The following STK11IP variants were observed in gnomAD, a reference collection of about 807,000 sequenced individuals.
The protein encoded by STK11IP is serine/threonine kinase 11 interacting protein, also known as serine/threonine-protein kinase 11-interacting protein.
A neutral mutation model predicts 131.7 loss-of-function variants in STK11IP; 103 were observed. The ratio of observed to expected loss-of-function variants is 0.78; its 90% CI spans 0.67 to 0.92. The LOEUF (loss-of-function observed/expected upper bound fraction) is 0.92, where lower values mean the gene tolerates loss of function less well. Among genes scored for constraint, STK11IP ranks in the 40% least tolerant of loss-of-function variants. The probability of loss-of-function intolerance (pLI) is 0.00; values close to 1 mark genes in which losing one functional copy is unlikely to be tolerated. For synonymous variants in STK11IP, 557 were observed against 575.6 expected (o/e 0.97, Z 0.46); for missense variants, 1,315 against 1,385.7 (o/e 0.95, Z 0.81).
chr2:219,602,754 A>G lies in STK11IP; in HGVS notation c.596A>G (p.Gln199Arg). The change falls in exon 7 of 25, where the codon CAG (glutamine) becomes CGG (arginine). Residue 199 changes from glutamine to arginine, a missense_variant. Physicochemically the swap from Gln to Arg is conservative, Grantham distance 43. Coordinates refer to ENST00000456909, the MANE Select transcript of STK11IP (RefSeq NM_052902.4). ...RFLNLSHNQV[Q>R]DCQGFLMDLC... Reference sequence around the variant, plus strand: ...TTGAACCTAAGCCACAATCAAGTCCAGGACTGTCAGGGATTCCTGATGGTG... The same window carrying G: ...TTGAACCTAAGCCACAATCAAGTCCGGGACTGTCAGGGATTCCTGATGGTG... The G allele has an allele frequency of 6.2e-7, 1 of 1,612,256 alleles. No individual in the cohort carries two copies. The highest frequency in any genetic ancestry group is 1.1e-5 in the South Asian group (1 of 90,766).
At chr2:219,599,120 G>A (rs1481983472) in intron 2 of STK11IP, among the ~76,000 whole-genome samples, 1 of 151,904 alleles carries the variant, frequency 6.6e-6, no homozygotes, top group African/African-American at 2.4e-5. Flanking sequence ...ACAGAGTCTT[G>A]CTGTGTCACC....
In STK11IP at chr2:219,598,177, T is replaced by G. The variant is rs1574608163; in HGVS notation, c.58T>G (p.Ser20Ala). 1.9e-6 allele frequency: 3 copies of G among 1,555,030 alleles called. No homozygotes were observed. The highest frequency in any genetic ancestry group is 2.6e-6 in the Non-Finnish European group (3 of 1,149,560). ...LWKLAGLLRE[S>A]GDVVLSGCST... is the part of the protein sequence containing the mutation. Reference sequence around the variant, plus strand: ...GAAGCTCGCGGGGTTGCTGCGGGAGTCCGGTGAGTGGACTTCCGGTTGGGC... The same window carrying G: ...GAAGCTCGCGGGGTTGCTGCGGGAGGCCGGTGAGTGGACTTCCGGTTGGGC... Residue 20 changes from serine to alanine, a missense_variant, in exon 2 of 25, where the codon TCC becomes GCC. Ser to Ala is a moderately conservative substitution (Grantham distance 99, BLOSUM62 1). Transcript: ENST00000456909.
intron 24 of STK11IP, 151 bp from the exon 25 acceptor site, chr2:219,615,893 C>G (rs1698555206): frequency 2.0e-6 from 2 of 1,010,160 alleles, no homozygotes; most frequent in Non-Finnish European, 3.0e-6. Flanking sequence ...AGCTCAGAGT[C>G]AGGATCTTTT....
chr2:219,611,433 G>A (rs1307246304), intron 17 of STK11IP, among the ~76,000 whole-genome samples, 171 bp from the exon 18 acceptor site: 4 of 152,166 alleles, frequency 2.6e-5, no homozygotes, highest in Non-Finnish European at 5.9e-5. Context: ...GTGATCAGTT[G>A]GCAGCTGTGC....
In STK11IP at chr2:219,601,367, A is replaced by G. The variant is rs1260631628; in HGVS notation, c.194A>G (p.His65Arg). 1.2e-6 allele frequency: 2 copies of G among 1,613,898 alleles called. No homozygotes were observed. Among genetic ancestry groups the G allele is most frequent in the African/African-American group, 2.7e-5 (2 of 74,930 alleles). The change falls in exon 3 of 25, where the codon CAT becomes CGT. Residue 65 changes from histidine (H) to arginine (R), a missense_variant. His to Arg is a conservative substitution (Grantham distance 29). Coordinates refer to ENST00000456909, the MANE Select transcript of STK11IP (RefSeq NM_052902.4). ...ACAGGCTTTGTGGCTCTGCCCTCCC[A>G]TCCTGCCGACTCCCCTGTTATTCTT... The part of the protein sequence containing the change: ...GQTGFVALPS[H>R]PADSPVILQL...
intron 13 of STK11IP, 60 bp downstream of exon 13, chr2:219,607,197 A>G (rs761026071): frequency 8.6e-6 from 13 of 1,513,300 alleles, no homozygotes; most frequent in Non-Finnish European, 1.2e-5. Flanking sequence ...CTAATTTTTA[A>G]GTTACAGTGA....
At chr2:219,610,691 G>A (rs950491728) in intron 17 of STK11IP, among the ~76,000 whole-genome samples, 3 of 152,090 alleles carry the variant, frequency 2.0e-5, no homozygotes, top group South Asian at 2.1e-4. Flanking sequence ...GAGCCACCAC[G>A]CCCGGCCAAC....
In STK11IP at chr2:219,614,507, G is replaced by C. The variant is rs763670408; in HGVS notation, c.2830G>C (p.Ala944Pro). ...GCTGGAAAAAGACTCATCCTTGGAG[G>C]CTCGCCAGTTCTTCTACCTTCGGGC... ...PLLEKDSSLEARQFFYLRAFL... is the reference protein window; with the variant it reads ...PLLEKDSSLEPRQFFYLRAFL... Residue 944 changes from alanine (A) to proline (P), a missense_variant, in exon 23 of 25, where the codon GCT (alanine) becomes CCT (proline). Transcript: ENST00000456909. 11 of 1,613,714 alleles carry C rather than the reference G, an allele frequency of 6.8e-6. No homozygotes were observed. The highest frequency in any genetic ancestry group is 1.6e-4 in the Middle Eastern group (1 of 6,084).
At position 219,607,108 on chromosome 2, in the gene STK11IP, A is replaced by C. The variant is rs374039967; in HGVS notation, c.1190A>C (p.Glu397Ala). Residue 397 changes from glutamate (E) to alanine (A), a missense_variant, in exon 13 of 25, where the codon GAG becomes GCG. Coordinates refer to ENST00000456909, the MANE Select transcript of STK11IP (RefSeq NM_052902.4). ...SISEPSDTDPEPRTLNPSPAG... is the reference protein window; with the variant it reads ...SISEPSDTDPAPRTLNPSPAG... ...TCTGAACCCAGTGATACGGACCCGG[A>C]GCCCCGAACTCTGAACCCCTCTCCG... is the stretch of plus-strand genomic sequence containing the variant. 6.2e-7 allele frequency: 1 copy of C among 1,613,870 alleles called. No individual in the cohort carries two copies. Among genetic ancestry groups the C allele is most frequent in the Non-Finnish European group, 8.5e-7 (1 of 1,179,884 alleles).
In STK11IP at chr2:219,611,797, G is replaced by C. The variant is rs201228372; in HGVS notation, c.2298G>C (p.Pro766=). The change falls in exon 18 of 25, where the codon CCG becomes CCC. Residue 766 remains proline, a synonymous_variant. Coordinates refer to ENST00000456909, the MANE Select transcript of STK11IP (RefSeq NM_052902.4). ...DRAKNSPPQA[P]STRDHGSWSL... is the part of the protein sequence containing the mutation. The stretch of plus-strand genomic sequence containing the variant: ...CCAAGAACAGCCCACCTCAGGCACC[G>C]AGCACCCGTGACCATGGTAGTTGGA... 6.2e-7 allele frequency: 1 copy of C among 1,612,856 alleles called. No individual in the cohort carries two copies. The highest frequency in any genetic ancestry group is 2.2e-5 in the East Asian group (1 of 44,868).
intron 5 of STK11IP, 99 bp downstream of exon 5, chr2:219,602,182 GC>G (rs1698009029): frequency 1.1e-6 from 1 of 895,576 alleles, no homozygotes; most frequent in Admixed American, 2.0e-5. Context: ...CCTGCCTCCT[GC>G]TTCCCTCTAG....
intron 7 of STK11IP, among the ~76,000 whole-genome samples, chr2:219,603,917 G>A (rs1698071265): frequency 6.6e-6 from 1 of 152,184 alleles, no homozygotes; most frequent in Admixed American, 6.5e-5. Context: ...GAGGTGGCTG[G>A]GCATTTTAAA....
rs765799088 is a variant in STK11IP, at chr2:219,608,651, T to C, written c.1672T>C (p.Phe558Leu). ...TGAGGGCGTACGGGGCAGGGAATGC[T>C]TTCTCAGGGTCACTTCTGCCCACCT... Reference protein sequence around the residue: ...GPEGVRGRECFLRVTSAHLFE... With the variant: ...GPEGVRGRECLLRVTSAHLFE... Residue 558 changes from phenylalanine (F) to leucine (L), a missense_variant, in exon 15 of 25, where the codon TTT becomes CTT. Physicochemically the swap from Phe to Leu is conservative, Grantham distance 22. Transcript: ENST00000456909. The C allele has an allele frequency of 2.5e-5, 40 of 1,613,490 alleles. No homozygotes were observed. Among genetic ancestry groups the C allele is most frequent in the South Asian group, 4.4e-5 (4 of 91,036 alleles).
At chr2:219,609,254 T>C (rs773650794) in intron 16 of STK11IP, 41 bp downstream of exon 16, 2 of 1,575,254 alleles carry the variant, frequency 1.3e-6, no homozygotes, top group South Asian at 2.3e-5. Context: ...GCTGTGGGGA[T>C]TAAGAGAGCC....
At chr2:219,614,009 C>G (rs978312359) in intron 21 of STK11IP, 79 bp downstream of exon 21, 5 of 1,501,198 alleles carry the variant, frequency 3.3e-6, no homozygotes, top group Non-Finnish European at 4.5e-6. Context: ...CACCTGGTAC[C>G]CAGTAGCGGA....
At chr2:219,613,287 G>A (rs1228107350) in intron 20 of STK11IP, 62 bp downstream of exon 20, 5 of 135,662 alleles carry the variant, frequency 3.7e-5, no homozygotes, top group Non-Finnish European at 5.4e-5. Flanking sequence ...GGGGAGATGG[G>A]GGAGTGAGGG....
Position 219,601,425 on chromosome 2 carries a change from A to G in STK11IP, c.252A>G (p.Lys84=). The G allele has an allele frequency of 6.2e-7, 1 of 1,614,036 alleles. No individual in the cohort carries two copies. The highest frequency in any genetic ancestry group is 1.1e-5 in the South Asian group (1 of 91,088). ...QLQFLFDVLQ[K]TLSLKLVHVA... ...AGTTTCTCTTCGATGTGCTGCAGAA[A>G]ACACTTTCACTCAAGGTTCTGGGTG... The change falls in exon 3 of 25, where the codon AAA becomes AAG. Residue 84 remains lysine, a synonymous_variant. Transcript: ENST00000456909.
At chr2:219,615,794 T>C in intron 24 of STK11IP, 2 of 698,694 alleles carry the variant, frequency 2.9e-6, no homozygotes. Context: ...TCCCTGAAAT[T>C]GAGCCCGCAT....
chr2:219,608,390 A>G lies in STK11IP; in HGVS notation c.1563A>G (p.Gly521=). ...EMVEQGEEEA[G]EEEEEEQDQK... Reference sequence around the variant, plus strand: ...TGGAACAGGGAGAAGAGGAGGCAGGAGAGGAGGAAGAAGAGGAGCAGGACC... The same window carrying G: ...TGGAACAGGGAGAAGAGGAGGCAGGGGAGGAGGAAGAAGAGGAGCAGGACC... The change falls in exon 14 of 25, where the codon GGA becomes GGG. Residue 521 remains glycine, a synonymous_variant. Coordinates refer to ENST00000456909, the MANE Select transcript of STK11IP (RefSeq NM_052902.4). 1.3e-6 allele frequency: 2 copies of G among 1,576,712 alleles called. No homozygotes were observed. Among genetic ancestry groups the G allele is most frequent in the Non-Finnish European group, 1.7e-6 (2 of 1,161,488 alleles).
Sources: allele counts gnomAD v4.1 joint callset (sites outside exome capture counted in the v4.1 genomes callset), GRCh38; gene constraint gnomAD v4.1.1; transcripts MANE v1.5; gene names NCBI Gene and HGNC (gene_info 2026-07-23, HGNC 2026-07-21).